The following RAPGEF1 variants were observed in gnomAD, a reference collection of about 807,000 sequenced individuals.
RAPGEF1 encodes Rap guanine nucleotide exchange factor 1, also known as CRK SH3-binding GNRP.
In RAPGEF1, 33 loss-of-function variants were observed where a neutral mutation model predicts 143.3. The observed-to-expected ratio is 0.23, with a 90% CI of 0.17 to 0.31. RAPGEF1 has a LOEUF of 0.31. Ranked by LOEUF, RAPGEF1 falls within the 10% of genes least tolerant of loss-of-function variation. RAPGEF1 has a pLI of 1.00. For synonymous variants in RAPGEF1, 629 were observed against 676.5 expected, an observed-to-expected ratio of 0.93 and a Z score of 1.09; for missense variants, 1,199 against 1,645.4, an observed-to-expected ratio of 0.73 and a Z score of 4.69.
At chr9:131,618,443 G>A (rs1959531126) in intron 12 of RAPGEF1, among the ~76,000 whole-genome samples, 1 of 152,186 alleles carries the variant, frequency 6.6e-6, no homozygotes, top group Non-Finnish European at 1.5e-5. Context: ...ACCAAGTTTT[G>A]GGTGGTTTGT....
chr9:131,674,574 G>C (rs1831968797), intron 1 of RAPGEF1, among the ~76,000 whole-genome samples: 1 of 152,178 alleles, frequency 6.6e-6, no homozygotes, highest in Non-Finnish European at 1.5e-5. Context: ...CCGTTGCCCT[G>C]CATTGTTTTG....
intron 15 of RAPGEF1, among the ~76,000 whole-genome samples, chr9:131,600,923 G>C (rs960765700): frequency 6.6e-6 from 1 of 152,028 alleles, no homozygotes; most frequent in African/African-American, 2.4e-5. Flanking sequence ...TGGGAGGCTG[G>C]GGCAGGTGGA....
intron 1 of RAPGEF1, among the ~76,000 whole-genome samples, chr9:131,730,564 G>A (rs544880225): frequency 5.3e-5 from 8 of 151,594 alleles, no homozygotes; most frequent in East Asian, 2.0e-4. Flanking sequence ...GCGTGGTGGC[G>A]GGCGCCTGTC....
At chr9:131,593,906 C>T (rs188069193) in intron 17 of RAPGEF1, among the ~76,000 whole-genome samples, 4 of 152,348 alleles carry the variant, frequency 2.6e-5, no homozygotes, top group Non-Finnish European at 5.9e-5. Context: ...CTGGCCTTTG[C>T]GGGTGCATCA....
rs528880936 is a variant in RAPGEF1, at chr9:131,601,517, AG to A, written c.2501+543del. Reference sequence around the variant, plus strand: ...GCAAACTACATGTGAAGGCCTTTGCAGGGTGGGGTTATTAGTGATTTTTCTT... The same window carrying A: ...GCAAACTACATGTGAAGGCCTTTGCAGGTGGGGTTATTAGTGATTTTTCTT... On this transcript the variant is annotated intron_variant, in intron 15 of 26. Transcript: ENST00000683357. 8.8e-4 allele frequency among the ~76,000 whole-genome samples: 134 copies of A among 152,336 alleles called. 1 individual carries two copies. The highest frequency in any genetic ancestry group is 1.5e-3 in the Non-Finnish European group (105 of 68,026).
chr9:131,623,552 G>C (rs1267795642), intron 10 of RAPGEF1, among the ~76,000 whole-genome samples: 1 of 152,372 alleles, frequency 6.6e-6, no homozygotes, highest in South Asian at 2.1e-4. Context: ...CAGAACAGCA[G>C]TGATGCTCCC....
At chr9:131,622,771 C>CT (rs35243547) in intron 10 of RAPGEF1, among the ~76,000 whole-genome samples, 46,372 of 145,506 alleles carry the variant, frequency 0.32, 7,971 homozygotes, top group African/African-American at 0.47. Context: ...CTCACACTTC[C>CT]TTTTTTTTTT....
At chr9:131,663,453 CTTTT>C (rs57688948) in intron 1 of RAPGEF1, among the ~76,000 whole-genome samples, 2 of 141,404 alleles carry the variant, frequency 1.4e-5, no homozygotes, top group Admixed American at 7.1e-5. Context: ...TTCTCTATAG[CTTTT>C]TTTTTTTTTT....
chr9:131,602,670 C>A (rs1048698577), intron 14 of RAPGEF1, among the ~76,000 whole-genome samples: 5 of 152,214 alleles, frequency 3.3e-5, no homozygotes, highest in African/African-American at 1.2e-4. Context: ...CTGTCGTGAA[C>A]CAAACTCTGC....
intron 5 of RAPGEF1, among the ~76,000 whole-genome samples, chr9:131,632,812 A>G (rs1266891952): frequency 6.6e-6 from 1 of 152,232 alleles, no homozygotes; most frequent in Non-Finnish European, 1.5e-5. Flanking sequence ...TGGCTATGAA[A>G]CACCCTTTTA....
chr9:131,628,720 G>C lies in RAPGEF1; in HGVS notation c.894-48C>G. The C allele has an allele frequency of 6.5e-7, 1 of 1,542,320 alleles. No individual in the cohort carries two copies. ...GGCAGACCAAACCACACTCACCAAA[G>C]CTCTTCAGCGTGATATTGGGGTACA... On this transcript the variant is annotated intron_variant, in intron 7 of 26. Coordinates refer to ENST00000683357, the MANE Select transcript of RAPGEF1 (RefSeq NM_001377935.1). The surrounding 1 kb of genome is among the most constrained non-coding windows in gnomAD (Gnocchi z 5.7).
intron 19 of RAPGEF1, among the ~76,000 whole-genome samples, chr9:131,589,226 G>A (rs963240275): frequency 6.6e-6 from 1 of 152,220 alleles, no homozygotes; most frequent in Non-Finnish European, 1.5e-5. Context: ...CGCTGGACAA[G>A]CGCCAGTGAC....
chr9:131,581,263 G>A (rs566455396), intron 25 of RAPGEF1, among the ~76,000 whole-genome samples: 100 of 152,134 alleles, frequency 6.6e-4, no homozygotes, highest in African/African-American at 2.3e-3. Context: ...GCATGGTGGC[G>A]TGTACCTGTA....
At chr9:131,626,876 C>CG (rs750161995) in intron 9 of RAPGEF1, among the ~76,000 whole-genome samples, 179 of 152,192 alleles carry the variant, frequency 1.2e-3, no homozygotes, top group Middle Eastern at 3.4e-3. Context: ...CGAGGCGGGC[C>CG]GATCAGTTGA....
rs1412138992 is a variant in RAPGEF1, at chr9:131,675,369, A to G, written c.62-24420T>C. 6.6e-6 allele frequency among the ~76,000 whole-genome samples: 1 copy of G among 152,150 alleles called. No homozygotes were observed. Among genetic ancestry groups the G allele is most frequent in the Non-Finnish European group, 1.5e-5 (1 of 68,020 alleles). On this transcript the variant is annotated intron_variant, in intron 1 of 26. Coordinates refer to ENST00000683357, the MANE Select transcript of RAPGEF1 (RefSeq NM_001377935.1). The surrounding 1 kb of genome is among the most constrained non-coding windows in gnomAD (Gnocchi z 4.6). ...GGAGGAGGGCTCTGCGGGAGCAGGG[A>G]GCCCGGCAGCTTCCTGCGGGTGCCG...
rs117166304 is a variant in RAPGEF1 at position 131,655,693 on chromosome 9, A to T, written c.62-4744T>A. ...ATGGCGTGAATCCAGGAGGCAGAGC[A>T]TGCAGTGCAAGATTGCACCACTGCA... On this transcript the variant is annotated intron_variant, in intron 1 of 26. Coordinates refer to ENST00000683357, the MANE Select transcript of RAPGEF1 (RefSeq NM_001377935.1). This position sits in a 1 kb window ranked among gnomAD's most constrained non-coding sequence, Gnocchi z 4.1. Among the ~76,000 whole-genome samples, 5,959 of 152,232 alleles carry T rather than the reference A, an allele frequency of 0.039. 239 individuals are homozygous for T. Among genetic ancestry groups the T allele is most frequent in the East Asian group, 0.09 (464 of 5,174 alleles).
intron 1 of RAPGEF1, among the ~76,000 whole-genome samples, chr9:131,661,479 G>A (rs1002198539): frequency 4.6e-5 from 7 of 152,144 alleles, no homozygotes; most frequent in East Asian, 3.8e-4. Context: ...CTGAGGTGAC[G>A]GTTATGGCCT....
rs199925290 is a variant in RAPGEF1 at position 131,627,936 on chromosome 9, C to T, written c.1178G>A (p.Arg393Gln). The T allele has an allele frequency of 1.2e-3, 1,908 of 1,586,290 alleles. 2 individuals are homozygous for T. The highest frequency in any genetic ancestry group is 1.4e-3 in the Non-Finnish European group (1,689 of 1,166,374). ...SLDRDSGQCS[R>Q]NTSCETLDHY... ...ACCTAGTGTTTCACAGCTTGTGTTC[C>T]GGGAGCACTGCCCACTGTCCCTGTC... The change falls in exon 9 of 27, where the codon CGG becomes CAG. Residue 393 changes from arginine to glutamine, a missense_variant. By Grantham distance (43) the Arg-to-Gln change is conservative. Around this residue, in one of 6 missense-constraint regions of RAPGEF1, gnomAD observed 613 missense variants for 710.9 expected, o/e 0.86. Coordinates refer to ENST00000683357, the MANE Select transcript of RAPGEF1 (RefSeq NM_001377935.1).
At position 131,650,974 on chromosome 9, in the gene RAPGEF1, G is replaced by C; in HGVS notation, c.62-25C>G. The stretch of plus-strand genomic sequence containing the variant: ...TCTGAAAACAAAGAGGGTACTGACT[G>C]TTAGATGGGAGTGGGAAGAAGCGAT... On this transcript the variant is annotated intron_variant, in intron 1 of 26. Transcript: ENST00000683357. This position sits in a 1 kb window ranked among gnomAD's most constrained non-coding sequence, Gnocchi z 4.7. 6.2e-7 allele frequency: 1 copy of C among 1,609,656 alleles called. No individual in the cohort carries two copies. The highest frequency in any genetic ancestry group is 8.5e-7 in the Non-Finnish European group (1 of 1,177,346).
Sources: gnomAD v4.1 joint callset for allele counts (sites outside exome capture counted in the v4.1 genomes callset) on GRCh38, gnomAD v4.1.1 for gene constraint, gnomAD v4.1.1 regional missense constraint, Gnocchi (gnomAD v3.1) non-coding constraint, MANE v1.5 for transcripts, NCBI Gene and HGNC (gene_info 2026-07-23, HGNC 2026-07-21) for gene names.